The following IGSF21 variants were observed in gnomAD, a reference collection of about 807,000 sequenced individuals.
The protein encoded by IGSF21 is immunoglobulin superfamily member 21.
IGSF21 carries 28 observed loss-of-function variants against 46.8 expected under a neutral mutation model. The observed-to-expected ratio is 0.60, with a 90% CI of 0.44 to 0.82. The LOEUF is 0.82. IGSF21 is among the 40% of genes least tolerant of loss of function. IGSF21 has a pLI of 0.00. For synonymous variants in IGSF21, 284 were observed against 273.6 expected (o/e 1.04, Z -0.38); for missense variants, 624 against 665.5 (o/e 0.94, Z 0.69).
At chr1:18,119,855 C>T (rs891654089) in intron 1 of IGSF21, among the ~76,000 whole-genome samples, 8 of 151,930 alleles carry the variant, frequency 5.3e-5, no homozygotes, top group East Asian at 3.9e-4. Context: ...TTAAATTCTC[C>T]CTCTTTTAAA....
chr1:18,185,638 C>A (rs2086896400), intron 1 of IGSF21, among the ~76,000 whole-genome samples: 1 of 152,190 alleles, frequency 6.6e-6, no homozygotes. Context: ...GTGAGACTTC[C>A]TGGCTCAGAA....
At chr1:18,211,954 C>T (rs2084396902) in intron 1 of IGSF21, among the ~76,000 whole-genome samples, 1 of 152,228 alleles carries the variant, frequency 6.6e-6, no homozygotes, top group South Asian at 2.1e-4. Flanking sequence ...GCCCAGCCTC[C>T]ACGCTCCTGA....
At chr1:18,313,570 T>A (rs1366209744) in intron 3 of IGSF21, among the ~76,000 whole-genome samples, 1 of 152,184 alleles carries the variant, frequency 6.6e-6, no homozygotes, top group African/African-American at 2.4e-5. Context: ...GGGCTGGTGA[T>A]GATTATGTGC....
chr1:18,246,754 A>G (rs1213492401), intron 2 of IGSF21, among the ~76,000 whole-genome samples: 1 of 152,210 alleles, frequency 6.6e-6, no homozygotes, highest in East Asian at 1.9e-4. Flanking sequence ...CCCTGTCCAC[A>G]CCAACAACAG....
intron 1 of IGSF21, among the ~76,000 whole-genome samples, chr1:18,137,046 G>T (rs2086373298): frequency 6.6e-6 from 1 of 152,104 alleles, no homozygotes; most frequent in Admixed American, 6.6e-5. Context: ...TATAAGAAAA[G>T]AGGTTTAATT....
At chr1:18,289,626 T>C (rs2124563608) in intron 2 of IGSF21, among the ~76,000 whole-genome samples, 1 of 152,012 alleles carries the variant, frequency 6.6e-6, no homozygotes, top group South Asian at 2.1e-4. Flanking sequence ...TTTCTCCACC[T>C]GGGCACTGTT....
At chr1:18,138,934 T>A (rs1270981839) in intron 1 of IGSF21, among the ~76,000 whole-genome samples, 1 of 152,184 alleles carries the variant, frequency 6.6e-6, no homozygotes, top group Non-Finnish European at 1.5e-5. Flanking sequence ...GAGTTGGGAT[T>A]CAGACCTGTC....
At chr1:18,296,458 G>T (rs980409889) in intron 3 of IGSF21, among the ~76,000 whole-genome samples, 5 of 152,130 alleles carry the variant, frequency 3.3e-5, no homozygotes, top group African/African-American at 1.2e-4. Context: ...AAGTGTGAAG[G>T]ATAGAAGGAC....
In IGSF21 at chr1:18,217,661, T is replaced by C. The variant is rs145083870; in HGVS notation, c.71-10237T>C. Among the ~76,000 whole-genome samples, 14 of 152,300 alleles carry C rather than the reference T, an allele frequency of 9.2e-5. No individual in the cohort carries two copies. In the East Asian group the frequency reaches 2.7e-3, roughly 29 times the overall value. On this transcript the variant is annotated intron_variant, in intron 1 of 9. Transcript: ENST00000251296. Reference sequence around the variant, plus strand: ...GACCCTGCTACACTCCAGCAAGACTTCTTGTGTCCTTCCTAGCCCGTAGTC... The same window carrying C: ...GACCCTGCTACACTCCAGCAAGACTCCTTGTGTCCTTCCTAGCCCGTAGTC...
intron 2 of IGSF21, among the ~76,000 whole-genome samples, chr1:18,285,646 T>C (rs1456825653): frequency 2.6e-5 from 4 of 151,988 alleles, no homozygotes; most frequent in African/African-American, 9.7e-5. Context: ...AGCTGGTCAT[T>C]TGGGGGAATT....
At chr1:18,167,567 C>T (rs1032259183) in intron 1 of IGSF21, among the ~76,000 whole-genome samples, 4 of 152,156 alleles carry the variant, frequency 2.6e-5, no homozygotes, top group Non-Finnish European at 4.4e-5. Context: ...CACCCACCTG[C>T]CTTGCCAAGT....
At chr1:18,249,445 G>T (rs1044399362) in intron 2 of IGSF21, among the ~76,000 whole-genome samples, 2 of 152,160 alleles carry the variant, frequency 1.3e-5, no homozygotes, top group African/African-American at 4.8e-5. Context: ...GAACGTGGAG[G>T]CTGCTTCACC....
intron 2 of IGSF21, among the ~76,000 whole-genome samples, chr1:18,272,256 C>G (rs2085049953): frequency 1.3e-5 from 2 of 151,488 alleles, no homozygotes; most frequent in South Asian, 2.1e-4. Flanking sequence ...TCAATTACCT[C>G]TCACCAGGTC....
intron 1 of IGSF21, among the ~76,000 whole-genome samples, chr1:18,218,649 A>G (rs1407799380): frequency 6.6e-6 from 1 of 152,246 alleles, no homozygotes; most frequent in African/African-American, 2.4e-5. Flanking sequence ...CTTACTGGGT[A>G]ATACTTAAAA....
intron 2 of IGSF21, among the ~76,000 whole-genome samples, chr1:18,253,698 G>A (rs1272312391): frequency 2.0e-5 from 3 of 152,190 alleles, no homozygotes; most frequent in East Asian, 3.9e-4. Context: ...ATTTTATCTG[G>A]AAGAGGAGGC....
chr1:18,124,670 C>T (rs577669537), intron 1 of IGSF21, among the ~76,000 whole-genome samples: 1 of 152,298 alleles, frequency 6.6e-6, no homozygotes, highest in African/African-American at 2.4e-5. Context: ...TTCCCTGCCT[C>T]GGCAGTCACT....
At chr1:18,149,196 C>G (rs1429153097) in intron 1 of IGSF21, among the ~76,000 whole-genome samples, 1 of 152,010 alleles carries the variant, frequency 6.6e-6, no homozygotes, top group East Asian at 1.9e-4. Context: ...CCCTGCTGGC[C>G]AATGCTGGGA....
intron 1 of IGSF21, among the ~76,000 whole-genome samples, chr1:18,227,551 T>C (rs2084580810): frequency 6.6e-6 from 1 of 151,778 alleles, no homozygotes; most frequent in Non-Finnish European, 1.5e-5. Flanking sequence ...CTCTGGGGTA[T>C]CTTATAGAAA....
At chr1:18,116,315 T>C (rs2086189708) in intron 1 of IGSF21, among the ~76,000 whole-genome samples, 1 of 152,208 alleles carries the variant, frequency 6.6e-6, no homozygotes, top group South Asian at 2.1e-4. Context: ...TCCCTGTCTC[T>C]GTGGGGCAGC....
Sources: allele counts gnomAD v4.1 joint callset (sites outside exome capture counted in the v4.1 genomes callset), GRCh38; gene constraint gnomAD v4.1.1; transcripts MANE v1.5; gene names NCBI Gene and HGNC (gene_info 2026-07-23, HGNC 2026-07-21).